MND1: variants seen among roughly 807,000 people sequenced by gnomAD.
The protein encoded by MND1 is meiotic nuclear divisions 1, also known as meiotic nuclear division protein 1 homolog.
MND1 carries 28 observed loss-of-function variants against 35.1 expected under a neutral mutation model. That is an observed-to-expected ratio of 0.80 (90% confidence interval 0.59 to 1.09). The LOEUF (loss-of-function observed/expected upper bound fraction) is 1.09. Ranked by LOEUF, MND1 falls within the 50% of genes least tolerant of loss-of-function variation. MND1 has a pLI of 0.00. For synonymous variants in MND1, 69 were observed against 70.5 expected (o/e 0.98, Z 0.11); for missense variants, 213 against 239.6 (o/e 0.89, Z 0.73).
chr4:153,391,168 A>T (rs1414109759), intron 4 of MND1, among the ~76,000 whole-genome samples: 2 of 151,442 alleles, frequency 1.3e-5, no homozygotes, highest in Non-Finnish European at 2.9e-5. Flanking sequence ...CTTTTTTTAA[A>T]TTTTTTTTAT....
At chr4:153,381,690 A>ATATATATT (rs1728703624) in intron 4 of MND1, 1 of 27,468 alleles carries the variant, frequency 3.6e-5, no homozygotes, top group Non-Finnish European at 6.2e-5. Flanking sequence ...ATATATATAT[A>ATATATATT]TATTTTTTTT....
At chr4:153,365,401 T>A (rs531563262) in intron 4 of MND1, among the ~76,000 whole-genome samples, 2 of 152,276 alleles carry the variant, frequency 1.3e-5, no homozygotes, top group Non-Finnish European at 1.5e-5. Context: ...TAACAACAAA[T>A]TTATTGAATA....
intron 7 of MND1, among the ~76,000 whole-genome samples, chr4:153,412,841 T>C: frequency 6.7e-6 from 1 of 148,196 alleles, no homozygotes; most frequent in Non-Finnish European, 1.5e-5. Context: ...AGTCTTGCTT[T>C]GTCGCCAGGC....
chr4:153,347,961 A>G (rs954593492), intron 1 of MND1, among the ~76,000 whole-genome samples: 1 of 152,152 alleles, frequency 6.6e-6, no homozygotes, highest in Non-Finnish European at 1.5e-5. Flanking sequence ...GTACTCAGAA[A>G]CGTCTGGATG....
intron 4 of MND1, among the ~76,000 whole-genome samples, chr4:153,360,804 CACATATAT>C (rs1173937431): frequency 4.6e-5 from 7 of 150,820 alleles, no homozygotes; most frequent in East Asian, 3.9e-4. Flanking sequence ...TTCATATATA[CACATATAT>C]ACATATATAC....
chr4:153,352,213 A>G (rs1302868736), intron 2 of MND1, among the ~76,000 whole-genome samples: 1 of 152,242 alleles, frequency 6.6e-6, no homozygotes, highest in African/African-American at 2.4e-5. Context: ...TGGAATGGCC[A>G]TGCTTATGCC....
At position 153,350,049 on chromosome 4, in the gene MND1, A is replaced by AT. The variant is rs773918367; in HGVS notation, c.4-8dup. ...GTTTAAAAGCATTGTTTACTTGTTA[A>AT]TTTTTTTGCTTTAGTCAAAGAAAAA... On this transcript the variant is annotated splice_polypyrimidine_tract_variant and intron_variant, in intron 1 of 7. Transcript: ENST00000240488. The AT allele has an allele frequency of 2.2e-4, 345 of 1,561,896 alleles. 1 individual carries two copies. The highest frequency in any genetic ancestry group is 2.9e-4 in the Non-Finnish European group (337 of 1,149,340).
At chr4:153,404,273 C>G (rs189109097) in intron 6 of MND1, among the ~76,000 whole-genome samples, 217 of 147,576 alleles carry the variant, frequency 1.5e-3, no homozygotes, top group Non-Finnish European at 1.8e-3. Context: ...CCTCCGCCTC[C>G]TGGGTTCAAG....
chr4:153,376,410 ATCT>A (rs1196567093), intron 4 of MND1, among the ~76,000 whole-genome samples: 2 of 152,180 alleles, frequency 1.3e-5, no homozygotes, highest in South Asian at 2.1e-4. Flanking sequence ...TCTTCCCATC[ATCT>A]TCTGGTTCTC....
At chr4:153,412,702 T>C (rs775265984) in intron 7 of MND1, among the ~76,000 whole-genome samples, 6 of 151,004 alleles carry the variant, frequency 4.0e-5, no homozygotes, top group Non-Finnish European at 8.8e-5. Flanking sequence ...GCCAGACTGG[T>C]CTCTCGAACT....
At chr4:153,389,413 T>G (rs557151637) in intron 4 of MND1, among the ~76,000 whole-genome samples, 14 of 152,302 alleles carry the variant, frequency 9.2e-5, no homozygotes, top group Non-Finnish European at 1.8e-4. Flanking sequence ...CAGGCTGGAG[T>G]GCAGTAGTGC....
intron 6 of MND1, among the ~76,000 whole-genome samples, chr4:153,403,429 T>G (rs1729398652): frequency 6.6e-6 from 1 of 152,204 alleles, no homozygotes; most frequent in South Asian, 2.1e-4. Flanking sequence ...TTAGTCCAAG[T>G]GTTTAAGGAA....
intron 4 of MND1, chr4:153,381,962 G>C (rs114620326): frequency 6.6e-6 from 1 of 151,360 alleles, no homozygotes; most frequent in African/African-American, 2.4e-5. Flanking sequence ...GGCCTTAAGC[G>C]CTCCTTAGCC....
chr4:153,349,652 C>T (rs114792554), intron 1 of MND1, among the ~76,000 whole-genome samples: 151 of 152,290 alleles, frequency 9.9e-4, no homozygotes, highest in African/African-American at 3.6e-3. Flanking sequence ...AATCTCTGTC[C>T]TTAGGTAACC....
intron 6 of MND1, 46 bp downstream of exon 6, chr4:153,397,379 G>T (rs1200769738): frequency 8.6e-6 from 12 of 1,395,058 alleles, no homozygotes; most frequent in Non-Finnish European, 1.2e-5. Context: ...TGATAATGAA[G>T]AAGACTTTAT....
intron 6 of MND1, among the ~76,000 whole-genome samples, chr4:153,400,319 A>T (rs975298916): frequency 1.3e-5 from 2 of 152,110 alleles, no homozygotes; most frequent in African/African-American, 4.8e-5. Flanking sequence ...GAGATATATT[A>T]ATTTTTTACT....
At chr4:153,356,611 G>A (rs531677489) in intron 3 of MND1, among the ~76,000 whole-genome samples, 4 of 145,990 alleles carry the variant, frequency 2.7e-5, no homozygotes, top group Non-Finnish European at 6.0e-5. Flanking sequence ...GATACAGATT[G>A]CCACGTTTCT....
chr4:153,379,338 A>C (rs559775421), intron 4 of MND1, among the ~76,000 whole-genome samples: 1 of 150,500 alleles, frequency 6.6e-6, no homozygotes, highest in East Asian at 1.9e-4. Context: ...AAAAAAAAAG[A>C]AACCACAAAA....
Position 153,350,063 on chromosome 4 carries a change from G to C in MND1, c.4-1G>C, listed in dbSNP as rs1478736635. The C allele has an allele frequency of 6.3e-7, 1 of 1,586,434 alleles. No homozygotes were observed. The highest frequency in any genetic ancestry group is 2.2e-5 in the East Asian group (1 of 44,608). On this transcript the variant is annotated splice_acceptor_variant, in intron 1 of 7. Transcript: ENST00000240488. LOFTEE classifies it high-confidence loss of function. Reference sequence around the variant, plus strand: ...TTTACTTGTTAATTTTTTTGCTTTAGTCAAAGAAAAAAGGACTGAGTGCAG... The same window carrying C: ...TTTACTTGTTAATTTTTTTGCTTTACTCAAAGAAAAAAGGACTGAGTGCAG...
Sources: allele counts gnomAD v4.1 joint callset (sites outside exome capture counted in the v4.1 genomes callset), GRCh38; gene constraint gnomAD v4.1.1; transcripts MANE v1.5; gene names NCBI Gene and HGNC (gene_info 2026-07-23, HGNC 2026-07-21).